HOXA3: variants seen among roughly 807,000 people sequenced by gnomAD.
The protein encoded by HOXA3 is homeobox A3.
A neutral mutation model predicts 30.3 loss-of-function variants in HOXA3; 8 were observed. That is an observed-to-expected ratio of 0.26 (90% confidence interval 0.15 to 0.48). The LOEUF (loss-of-function observed/expected upper bound fraction) is 0.48, where lower values mean the gene tolerates loss of function less well. HOXA3 is among the 20% of genes least tolerant of loss of function. The pLI, the probability that HOXA3 is intolerant of heterozygous loss-of-function variation, is 0.99. For missense variants in HOXA3, 653 were observed against 614.4 expected (o/e 1.06, Z -0.66); for synonymous variants, 323 against 273.1 (o/e 1.18, Z -1.80).
At chr7:27,141,732 G>A (rs2128059966) in intron 1 of HOXA3, 5 of 1,411,914 alleles carry the variant, frequency 3.5e-6, no homozygotes, top group East Asian at 2.3e-5. Flanking sequence ...CGAGAACAGG[G>A]CTTCTTCACA....
At chr7:27,112,851 C>T (rs1293826320) in intron 4 of HOXA3, among the ~76,000 whole-genome samples, 4 of 152,224 alleles carry the variant, frequency 2.6e-5, no homozygotes, top group Admixed American at 6.5e-5. Flanking sequence ...TTATACCAGC[C>T]TGCTACTTAG....
intron 3 of HOXA3, among the ~76,000 whole-genome samples, chr7:27,124,948 T>C (rs1183806269): frequency 6.6e-6 from 1 of 152,192 alleles, no homozygotes; most frequent in African/African-American, 2.4e-5. Context: ...CCCTGACATC[T>C]GTCCCCTCCT....
At chr7:27,147,291 C>T (rs1782801447) in intron 1 of HOXA3, 1 of 1,608,348 alleles carries the variant, frequency 6.2e-7, no homozygotes, top group East Asian at 2.2e-5. Flanking sequence ...CCTCCACTGT[C>T]TTGGGATATG....
intron 4 of HOXA3, chr7:27,121,900 T>G (rs1417885669): frequency 1.3e-5 from 2 of 152,730 alleles, no homozygotes; most frequent in Non-Finnish European, 2.9e-5. Context: ...TTAAAAGAGT[T>G]TTCCCTTGTT....
chr7:27,152,329 C>G lies in HOXA3; in HGVS notation c.-535G>C. On this transcript the variant is annotated 5_prime_UTR_variant, in exon 1 of 6. Transcript: ENST00000612286. ...CCAGAAGCTCCTGCCCCTCTGACAG[C>G]TGTCGCTTGGGCAGCCCGAGAGAAG... 7.9e-7 allele frequency: 1 copy of G among 1,266,760 alleles called. No homozygotes were observed. The highest frequency in any genetic ancestry group is 2.5e-5 in the Admixed American group (1 of 39,704). 78.5% of individuals were successfully genotyped at this position (1,266,760 alleles called of 1,614,324 possible). A position where few individuals can be genotyped will look rare whatever the true frequency, so the allele number is the denominator to read the frequency against.
chr7:27,130,823 C>T (rs1785525219), intron 2 of HOXA3: 1 of 1,324,140 alleles, frequency 7.6e-7, no homozygotes, highest in East Asian at 2.6e-5. Flanking sequence ...CCTCGCTTCC[C>T]ATCCCCCTTT....
chr7:27,108,843 G>A lies in HOXA3; in HGVS notation c.527-123C>T. The A allele has an allele frequency of 5.8e-6, 4 of 685,156 alleles. No homozygotes were observed. The highest frequency in any genetic ancestry group is 3.6e-5 in the African/African-American group (2 of 55,456). The allele number at this position is 685,156 out of a possible 1,614,324, so 42.4% of individuals were successfully genotyped here. On this transcript the variant is annotated intron_variant, in intron 5 of 5. Transcript: ENST00000612286. This position sits in a 1 kb window ranked among gnomAD's most constrained non-coding sequence, Gnocchi z 5.0. Reference sequence around the variant, plus strand: ...GTTCCTGCATCCGTCAGGTCCCAGAGAGAAGTAGGAACTAGGTGCTATCCT... The same window carrying A: ...GTTCCTGCATCCGTCAGGTCCCAGAAAGAAGTAGGAACTAGGTGCTATCCT...
At chr7:27,149,634 T>C (rs1352618931) in intron 1 of HOXA3, among the ~76,000 whole-genome samples, 1 of 152,166 alleles carries the variant, frequency 6.6e-6, no homozygotes, top group Non-Finnish European at 1.5e-5. Context: ...CTGGAAAGGG[T>C]TTACTTTGCA....
chr7:27,129,444 GAT>G, intron 2 of HOXA3: 1 of 1,614,148 alleles, frequency 6.2e-7, no homozygotes, highest in Non-Finnish European at 8.5e-7. Context: ...GCGTGTGGGC[GAT>G]CTCGATGCGG....
intron 4 of HOXA3, 75 bp from the exon 5 acceptor site, chr7:27,110,835 A>G: frequency 1.4e-6 from 1 of 714,238 alleles, no homozygotes; most frequent in Non-Finnish European, 2.2e-6. Context: ...AAGTGACATG[A>G]AAGCCATAAA....
At chr7:27,130,207 G>A (rs943571673) in intron 2 of HOXA3, 2 of 1,535,716 alleles carry the variant, frequency 1.3e-6, no homozygotes, top group Non-Finnish European at 1.7e-6. Context: ...CAAGAGCAGC[G>A]GGCACGCGGG....
rs1459928148 is a variant in HOXA3, at chr7:27,107,898, T to A, written c.*17A>T. ...GGTGGGGGGAGACTCTCCTGGCGCG[T>A]AGCCCCAAGCCCACTATCACAGGTG... is the stretch of plus-strand genomic sequence containing the variant. On this transcript the variant is annotated 3_prime_UTR_variant, in exon 6 of 6. Transcript: ENST00000612286. The A allele has an allele frequency of 6.7e-7, 1 of 1,499,318 alleles. No homozygotes were observed. The highest frequency in any genetic ancestry group is 9.0e-7 in the Non-Finnish European group (1 of 1,114,164). 92.9% of individuals were successfully genotyped at this position (1,499,318 alleles called of 1,614,324 possible). A position where few individuals can be genotyped will look rare whatever the true frequency, so the allele number is the denominator to read the frequency against.
chr7:27,141,465 A>G (rs935929440), intron 1 of HOXA3: 4 of 205,446 alleles, frequency 1.9e-5, no homozygotes, highest in Non-Finnish European at 4.0e-5. Flanking sequence ...GCACAGTTAA[A>G]CAACTTGAGT....
Position 27,113,222 on chromosome 7 carries a change from T to C in HOXA3, c.-120-2462A>G, listed in dbSNP as rs139163069. Among the ~76,000 whole-genome samples the C allele has an allele frequency of 3.8e-4, 58 of 152,342 alleles. No homozygotes were observed. Among genetic ancestry groups the C allele is most frequent in the Admixed American group, 7.8e-4 (12 of 15,304 alleles). ...CCGAAAGAGAGTTGAAGAGGCTAAA[T>C]TGAGTGCAAGAAGCAAGCCCTATTG... is the stretch of plus-strand genomic sequence containing the variant. On this transcript the variant is annotated intron_variant, in intron 4 of 5. Transcript: ENST00000612286. The surrounding 1 kb of genome is among the most constrained non-coding windows in gnomAD (Gnocchi z 4.8).
chr7:27,115,104 C>T (rs541070197), intron 4 of HOXA3, among the ~76,000 whole-genome samples: 1 of 150,346 alleles, frequency 6.7e-6, no homozygotes, highest in Admixed American at 6.6e-5. Context: ...GCGTCAACGG[C>T]GGGTCCTTCT....
chr7:27,112,235 CA>C (rs1784418249), intron 4 of HOXA3, among the ~76,000 whole-genome samples: 1 of 152,026 alleles, frequency 6.6e-6, no homozygotes, highest in Non-Finnish European at 1.5e-5. Context: ...AAAATTATAA[CA>C]AATTCAAAAG....
At chr7:27,146,829 A>G (rs1225711296) in intron 1 of HOXA3, among the ~76,000 whole-genome samples, 3 of 152,244 alleles carry the variant, frequency 2.0e-5, no homozygotes, top group African/African-American at 7.2e-5. Flanking sequence ...TGGCCCTCCA[A>G]GGCTTTGGGG....
At chr7:27,110,806 C>G in intron 4 of HOXA3, 46 bp from the exon 5 acceptor site, 5 of 957,932 alleles carry the variant, frequency 5.2e-6, no homozygotes, top group Non-Finnish European at 7.7e-6. Context: ...CGCGCAAATC[C>G]ATCTTACTCT....
intron 1 of HOXA3, chr7:27,142,112 C>T: frequency 6.2e-7 from 1 of 1,602,612 alleles, no homozygotes. Flanking sequence ...AGCGGTTTAG[C>T]CACCAACTCC....
Sources: allele counts gnomAD v4.1 joint callset (sites outside exome capture counted in the v4.1 genomes callset), GRCh38; gene constraint gnomAD v4.1.1; non-coding constraint Gnocchi (gnomAD v3.1); transcripts MANE v1.5; gene names NCBI Gene and HGNC (gene_info 2026-07-23, HGNC 2026-07-21).